MYH15: variants seen among roughly 807,000 people sequenced by gnomAD.
MYH15 encodes the protein myosin-15.
Under a neutral mutation model 240.5 loss-of-function variants are expected in MYH15, and 227 were observed. That is an observed-to-expected ratio of 0.94 (90% CI 0.85 to 1.05). The LOEUF (loss-of-function observed/expected upper bound fraction) is 1.05, where lower values mean the gene tolerates loss of function less well. Ranked by LOEUF, MYH15 falls within the 50% of genes least tolerant of loss-of-function variation. The probability of loss-of-function intolerance (pLI) is 0.00; values close to 1 mark genes in which losing one functional copy is unlikely to be tolerated. For synonymous variants in MYH15, 785 were observed against 796.7 expected, an observed-to-expected ratio of 0.99 and a Z score of 0.25; for missense variants, 2,217 against 2,247.5, an observed-to-expected ratio of 0.99 and a Z score of 0.27.
At chr3:108,432,511 C>A (rs2082786884) in intron 25 of MYH15, among the ~76,000 whole-genome samples, 1 of 152,146 alleles carries the variant, frequency 6.6e-6, no homozygotes, top group Admixed American at 6.5e-5. Context: ...TGTTAATACC[C>A]AAGACAACTG....
intron 33 of MYH15, among the ~76,000 whole-genome samples, chr3:108,403,691 G>A (rs1438547477): frequency 6.6e-6 from 1 of 152,012 alleles, no homozygotes; most frequent in Non-Finnish European, 1.5e-5. Flanking sequence ...ACCTATTATA[G>A]TTATTATGAA....
chr3:108,543,469 G>C, the MYH15 span: 1 of 152,460 alleles, frequency 6.6e-6, no homozygotes, highest in Non-Finnish European at 1.5e-5. Flanking sequence ...GTTCAGCAGA[G>C]CTGTCTTCCT....
At chr3:108,533,086 T>A (rs543261065), upstream of MYH15, among the ~76,000 whole-genome samples, 23 of 152,014 alleles carry the variant, frequency 1.5e-4, no homozygotes, top group Non-Finnish European at 2.6e-4. Context: ...TACTTTCATT[T>A]GATTCAGATA....
chr3:108,524,464 CTTTTA>C (rs2083650348), intron 1 of MYH15, among the ~76,000 whole-genome samples: 1 of 151,770 alleles, frequency 6.6e-6, no homozygotes, highest in African/African-American at 2.4e-5. Context: ...AATCCTATGT[CTTTTA>C]TTATTAATTT....
At chr3:108,415,649 G>T (rs538172696) in intron 29 of MYH15, among the ~76,000 whole-genome samples, 6 of 152,204 alleles carry the variant, frequency 3.9e-5, no homozygotes, top group African/African-American at 1.4e-4. Context: ...AGATAAACAC[G>T]ATCTAGAATG....
chr3:108,534,622 T>C, the MYH15 span, among the ~76,000 whole-genome samples: 1 of 151,974 alleles, frequency 6.6e-6, no homozygotes, highest in African/African-American at 2.4e-5. Context: ...TCTCAGCACT[T>C]TCGGAGATCA....
At chr3:108,492,427 C>T in intron 9 of MYH15, 73 bp downstream of exon 9, 1 of 1,129,542 alleles carries the variant, frequency 8.9e-7, no homozygotes. Context: ...CCGAATAACA[C>T]TTTTTCATCC....
rs777087691 is a variant in MYH15 at position 108,430,838 on chromosome 3, C to G, written c.3306G>C (p.Glu1102Asp). Residue 1102 changes from glutamate to aspartate, a missense_variant, in exon 26 of 41, where the codon GAG becomes GAC. Transcript: ENST00000693548. The stretch of plus-strand genomic sequence containing the variant: ...ATATTTGATAATTGATTACCTGAAG[C>G]TCTTTAACCGTCTTCTGAAGCTGAG... ...LVAQLQKTVK[E>D]LQTQIKDLKE... The G allele has an allele frequency of 6.2e-7, 1 of 1,610,154 alleles. No homozygotes were observed. The highest frequency in any genetic ancestry group is 8.5e-7 in the Non-Finnish European group (1 of 1,178,218).
chr3:108,483,161 C>T (rs1295479216), intron 11 of MYH15, among the ~76,000 whole-genome samples: 2 of 150,738 alleles, frequency 1.3e-5, no homozygotes, highest in Admixed American at 1.3e-4. Flanking sequence ...TATTGCCCCC[C>T]TGTACTCCAG....
chr3:108,471,730 G>A (rs905614943), intron 12 of MYH15, among the ~76,000 whole-genome samples: 5 of 152,082 alleles, frequency 3.3e-5, no homozygotes, highest in African/African-American at 1.2e-4. Context: ...TTGCAGCTGA[G>A]CCCAGTATCT....
At chr3:108,529,238 A>C in intron 1 of MYH15, 1 of 1,597,102 alleles carries the variant, frequency 6.3e-7, no homozygotes, top group Non-Finnish European at 8.6e-7. Context: ...AGACAAATTA[A>C]AACATATGTT....
intron 26 of MYH15, among the ~76,000 whole-genome samples, chr3:108,429,178 C>T (rs1327183461): frequency 4.6e-5 from 7 of 152,004 alleles, no homozygotes; most frequent in East Asian, 3.9e-4. Context: ...ATCTTTCATA[C>T]GACCAAAAAA....
At chr3:108,541,190 G>A in the MYH15 span, among the ~76,000 whole-genome samples, 1 of 151,756 alleles carries the variant, frequency 6.6e-6, no homozygotes, top group African/African-American at 2.4e-5. Context: ...AACTAGACAA[G>A]ATGAGTCTAA....
At chr3:108,499,900 T>G (rs1016429846) in intron 4 of MYH15, among the ~76,000 whole-genome samples, 3 of 152,188 alleles carry the variant, frequency 2.0e-5, no homozygotes, top group African/African-American at 7.2e-5. Context: ...GCACTTTAAA[T>G]GCATTATCTC....
In MYH15 at chr3:108,433,286, G is replaced by A. The variant is rs968355255; in HGVS notation, c.3222-2364C>T. Among the ~76,000 whole-genome samples the A allele has an allele frequency of 8.5e-5, 13 of 152,300 alleles. 1 individual carries two copies. Among genetic ancestry groups the A allele is most frequent in the Admixed American group, 7.2e-4 (11 of 15,310 alleles). On this transcript the variant is annotated intron_variant, in intron 25 of 40. Coordinates refer to ENST00000693548, the MANE Select transcript of MYH15 (RefSeq NM_014981.3). ...CCAATTTCTCCCATTTGGAATGGCT[G>A]TATTTACCCAGTGCCTGTACCCCCA...
intron 33 of MYH15, among the ~76,000 whole-genome samples, chr3:108,403,987 CTT>C (rs11346006): frequency 0.26 from 38,231 of 148,154 alleles, 4,879 homozygotes; most frequent in Middle Eastern, 0.34. Context: ...TTATTTGTTG[CTT>C]TTTTTTTTTT....
chr3:108,382,414 T>G (rs2082350126), intron 40 of MYH15, among the ~76,000 whole-genome samples: 1 of 152,160 alleles, frequency 6.6e-6, no homozygotes, highest in South Asian at 2.1e-4. Context: ...TTGACCTCCC[T>G]TAAGGTAGTA....
chr3:108,532,487 A>T (rs1453089236), upstream of MYH15, among the ~76,000 whole-genome samples: 1 of 151,986 alleles, frequency 6.6e-6, no homozygotes, highest in East Asian at 1.9e-4. Context: ...TGGAACTTAC[A>T]CTGTCAGATC....
upstream of MYH15, among the ~76,000 whole-genome samples, chr3:108,513,981 G>C (rs918059552): frequency 2.0e-5 from 3 of 152,154 alleles, no homozygotes; most frequent in African/African-American, 7.2e-5. Flanking sequence ...ATATTGATAC[G>C]GCACAATTTC....
Sources: allele counts gnomAD v4.1 joint callset (sites outside exome capture counted in the v4.1 genomes callset), GRCh38; gene constraint gnomAD v4.1.1; transcripts MANE v1.5; gene names NCBI Gene and HGNC (gene_info 2026-07-23, HGNC 2026-07-21).